The following CFAP299 variants were observed in gnomAD, a reference collection of about 807,000 sequenced individuals.
CFAP299 encodes cilia and flagella associated protein 299, also known as cilia- and flagella-associated protein 299.
Under a neutral mutation model 27.0 loss-of-function variants are expected in CFAP299, and 21 were observed. The ratio of observed to expected loss-of-function variants is 0.78; its 90% CI spans 0.55 to 1.12. The LOEUF is 1.12. CFAP299 is among the 50% of genes most tolerant of loss of function. The pLI is 0.00. For synonymous variants in CFAP299, 104 were observed against 98.1 expected, an observed-to-expected ratio of 1.06 and a Z score of -0.36; for missense variants, 310 against 276.6, an observed-to-expected ratio of 1.12 and a Z score of -0.86.
intron 2 of CFAP299, among the ~76,000 whole-genome samples, chr4:80,493,176 A>C (rs1731228374): frequency 6.6e-6 from 1 of 152,234 alleles, no homozygotes. Flanking sequence ...CATATTATGC[A>C]TTCCCATTGT....
At chr4:80,481,201 G>A (rs578036962) in intron 2 of CFAP299, among the ~76,000 whole-genome samples, 1 of 151,970 alleles carries the variant, frequency 6.6e-6, no homozygotes, top group African/African-American at 2.4e-5. Context: ...AAGGGTACCA[G>A]TACTCTATTG....
At chr4:80,682,483 A>G (rs982921220) in intron 3 of CFAP299, among the ~76,000 whole-genome samples, 3 of 152,150 alleles carry the variant, frequency 2.0e-5, no homozygotes, top group African/African-American at 7.2e-5. Flanking sequence ...TTGGTTATAA[A>G]TGGTGTCTAA....
intron 2 of CFAP299, among the ~76,000 whole-genome samples, chr4:80,396,933 T>C (rs1344942207): frequency 6.6e-6 from 1 of 152,220 alleles, no homozygotes; most frequent in Non-Finnish European, 1.5e-5. Context: ...TTCTATTGAT[T>C]GGAATAGTTT....
chr4:80,425,597 T>A (rs1411730565), intron 2 of CFAP299, among the ~76,000 whole-genome samples: 1 of 152,230 alleles, frequency 6.6e-6, no homozygotes, highest in Non-Finnish European at 1.5e-5. Flanking sequence ...TCACTTAGAA[T>A]CTTTTGCAGA....
chr4:80,809,461 C>T (rs1362781635), intron 3 of CFAP299, among the ~76,000 whole-genome samples: 3 of 152,194 alleles, frequency 2.0e-5, no homozygotes, highest in South Asian at 2.1e-4. Context: ...CCTTTGCATT[C>T]TGTGAAAGGC....
intron 2 of CFAP299, among the ~76,000 whole-genome samples, chr4:80,494,064 C>A (rs905195092): frequency 6.6e-6 from 1 of 152,066 alleles, no homozygotes; most frequent in Admixed American, 6.6e-5. Context: ...CGTGAGCCAC[C>A]GCGCCTGGCC....
the CFAP299 span, among the ~76,000 whole-genome samples, chr4:80,327,370 A>C: frequency 6.6e-6 from 1 of 152,094 alleles, no homozygotes. Context: ...TAAGACCAGA[A>C]AAATAGCCAG....
At chr4:80,377,170 G>A (rs564992571) in intron 2 of CFAP299, among the ~76,000 whole-genome samples, 33 of 152,044 alleles carry the variant, frequency 2.2e-4, no homozygotes, top group African/African-American at 7.0e-4. Context: ...GTATTTCTGC[G>A]TGTCCTATGT....
At chr4:80,423,203 T>C (rs568105590) in intron 2 of CFAP299, among the ~76,000 whole-genome samples, 1 of 152,342 alleles carries the variant, frequency 6.6e-6, no homozygotes, top group South Asian at 2.1e-4. Flanking sequence ...TTAGGCCTCA[T>C]AGTCATTTCT....
chr4:80,670,991 T>C (rs763746305), intron 3 of CFAP299, among the ~76,000 whole-genome samples: 67 of 152,366 alleles, frequency 4.4e-4, no homozygotes, highest in Admixed American at 4.3e-3. Flanking sequence ...CTCTTTAGTT[T>C]AATTAGATCG....
chr4:80,351,830 TAAC>T (rs888031336), intron 1 of CFAP299, among the ~76,000 whole-genome samples: 5 of 150,424 alleles, frequency 3.3e-5, no homozygotes, highest in African/African-American at 1.2e-4. Context: ...AACATTAAAT[TAAC>T]AATCTATTAA....
At chr4:80,651,297 C>G (rs1465331714) in intron 3 of CFAP299, among the ~76,000 whole-genome samples, 5 of 150,730 alleles carry the variant, frequency 3.3e-5, no homozygotes, top group Admixed American at 6.6e-5. Context: ...CTTACTCTCT[C>G]TCTCTTTCTT....
intron 3 of CFAP299, among the ~76,000 whole-genome samples, chr4:80,753,541 T>A (rs1405068683): frequency 6.6e-6 from 1 of 152,184 alleles, no homozygotes; most frequent in East Asian, 1.9e-4. Flanking sequence ...ACATTAATTT[T>A]GGAAAATTCT....
At chr4:80,375,214 A>C (rs1331207506) in intron 2 of CFAP299, among the ~76,000 whole-genome samples, 1 of 152,216 alleles carries the variant, frequency 6.6e-6, no homozygotes, top group African/African-American at 2.4e-5. Flanking sequence ...GGTCCATAGA[A>C]GAGCACAAAG....
intron 3 of CFAP299, among the ~76,000 whole-genome samples, chr4:80,696,712 CT>C (rs1721117772): frequency 6.6e-6 from 1 of 152,090 alleles, no homozygotes; most frequent in African/African-American, 2.4e-5. Flanking sequence ...TTATGGAAGG[CT>C]CCTCTGAGAC....
chr4:80,391,121 C>G (rs530067399), intron 2 of CFAP299, among the ~76,000 whole-genome samples: 7 of 151,954 alleles, frequency 4.6e-5, no homozygotes, highest in African/African-American at 1.7e-4. Context: ...ATGCATTCAT[C>G]TATTGATGGA....
At chr4:80,452,333 G>T (rs1728942469) in intron 2 of CFAP299, among the ~76,000 whole-genome samples, 1 of 151,920 alleles carries the variant, frequency 6.6e-6, no homozygotes, top group Non-Finnish European at 1.5e-5. Flanking sequence ...TGTTCATCTT[G>T]ATATCCACCC....
intron 3 of CFAP299, among the ~76,000 whole-genome samples, chr4:80,839,139 G>A (rs760734713): frequency 3.3e-5 from 5 of 152,064 alleles, no homozygotes; most frequent in South Asian, 2.1e-4. Context: ...TGAACTGCTT[G>A]GTGGCAAATC....
intron 3 of CFAP299, among the ~76,000 whole-genome samples, chr4:80,659,152 A>T (rs1186232527): frequency 2.0e-5 from 3 of 152,150 alleles, no homozygotes; most frequent in Non-Finnish European, 1.5e-5. Context: ...ACCATATGCT[A>T]TATTAATACT....
Sources: gnomAD v4.1 joint callset for allele counts (sites outside exome capture counted in the v4.1 genomes callset) on GRCh38, gnomAD v4.1.1 for gene constraint, MANE v1.5 for transcripts, NCBI Gene and HGNC (gene_info 2026-07-23, HGNC 2026-07-21) for gene names.